LAMA3: variants seen among roughly 807,000 people sequenced by gnomAD.
LAMA3 encodes the protein laminin subunit alpha-3.
LAMA3 carries 281 observed loss-of-function variants against 402.0 expected under a neutral mutation model. That is an observed-to-expected ratio of 0.70 (90% confidence interval 0.63 to 0.77). The LOEUF is 0.77. Among genes scored for constraint, LAMA3 ranks in the 30% least tolerant of loss-of-function variants. The probability of loss-of-function intolerance (pLI) is 0.00; values close to 1 mark genes in which losing one functional copy is unlikely to be tolerated. For synonymous variants in LAMA3, 1,431 were observed against 1,558.4 expected (o/e 0.92, Z 1.93); for missense variants, 3,840 against 4,215.5 (o/e 0.91, Z 2.47).
chr18:23,776,104 TAC>T (rs1325925822), intron 10 of LAMA3, among the ~76,000 whole-genome samples, 181 bp downstream of exon 10: 1 of 152,214 alleles, frequency 6.6e-6, no homozygotes, highest in Non-Finnish European at 1.5e-5. Context: ...TGGTACATTT[TAC>T]AGTCTTATTT....
chr18:23,746,497 CA>C, intron 2 of LAMA3, among the ~76,000 whole-genome samples: 1 of 152,240 alleles, frequency 6.6e-6, no homozygotes, highest in East Asian at 1.9e-4. Context: ...AATGAAGAAG[CA>C]GGTGTGGGAA....
chr18:23,761,487 T>C (rs1359251688), intron 7 of LAMA3, among the ~76,000 whole-genome samples: 2 of 152,238 alleles, frequency 1.3e-5, no homozygotes, highest in South Asian at 2.1e-4. Context: ...TATGTAACGA[T>C]GGGCATATTC....
intron 13 of LAMA3, among the ~76,000 whole-genome samples, chr18:23,811,295 A>G (rs927006399): frequency 1.1e-4 from 17 of 152,140 alleles, no homozygotes; most frequent in Admixed American, 1.1e-3. Flanking sequence ...GCTACTGTGA[A>G]GAGGTGTTTG....
At chr18:23,883,938 GAGGCTTCCTAA>G (rs2064984975) in intron 40 of LAMA3, among the ~76,000 whole-genome samples, 1 of 152,070 alleles carries the variant, frequency 6.6e-6, no homozygotes, top group Admixed American at 6.5e-5. Context: ...TGTCTTTTGA[GAGGCTTCCTAA>G]ACAGGCATTC....
chr18:23,852,644 G>A (rs964884685), intron 32 of LAMA3, among the ~76,000 whole-genome samples: 4 of 152,146 alleles, frequency 2.6e-5, no homozygotes, highest in Admixed American at 6.5e-5. Context: ...CATGGTGAGC[G>A]CCATATTGTG....
intron 69 of LAMA3, 151 bp from the exon 70 acceptor site, chr18:23,945,993 T>C (rs2082695578): frequency 2.6e-6 from 2 of 764,766 alleles, no homozygotes; most frequent in African/African-American, 1.7e-5. Context: ...ATGGTGATAG[T>C]GATAACCGGA....
In LAMA3 at chr18:23,954,666, G is replaced by A. The variant is rs1444840493; in HGVS notation, c.*18G>A. 1 of 1,613,780 alleles carries A rather than the reference G, an allele frequency of 6.2e-7. No homozygotes were observed. Among genetic ancestry groups the A allele is most frequent in the Non-Finnish European group, 8.5e-7 (1 of 1,179,782 alleles). On this transcript the variant is annotated 3_prime_UTR_variant, in exon 75 of 75. Transcript: ENST00000313654. The stretch of plus-strand genomic sequence containing the variant: ...ACCAGTAACCCAAGCCTATTTCACA[G>A]CAAGGAAATTCACCTTCAAAAGCAC...
Position 23,784,275 on chromosome 18 carries a change from G to A in LAMA3, c.1603+118G>A, listed in dbSNP as rs576312730. ...CTTGCAGTTTAATAAATGGGCCCCT[G>A]GCTTATATATGGATGTTACATGTGA... On this transcript the variant is annotated intron_variant, in intron 12 of 74. Coordinates refer to ENST00000313654, the MANE Select transcript of LAMA3 (RefSeq NM_198129.4). 6.1e-5 allele frequency: 72 copies of A among 1,174,876 alleles called. No homozygotes were observed. In the East Asian group the frequency reaches 6.8e-4, roughly 11 times the overall value. The allele number at this position is 1,174,876 out of a possible 1,614,324, so 72.8% of individuals were successfully genotyped here.
At chr18:23,708,180 T>C (rs899505817) in intron 1 of LAMA3, among the ~76,000 whole-genome samples, 2 of 152,190 alleles carry the variant, frequency 1.3e-5, no homozygotes, top group Admixed American at 6.5e-5. Context: ...ATACCACCTA[T>C]GTTATATACT....
At chr18:23,725,040 A>C (rs75174902) in intron 2 of LAMA3, among the ~76,000 whole-genome samples, 2,172 of 151,238 alleles carry the variant, frequency 0.014, 46 homozygotes, top group African/African-American at 0.05. Flanking sequence ...CTCCCATCGC[A>C]TTTCCTTACT....
intron 12 of LAMA3, among the ~76,000 whole-genome samples, chr18:23,789,797 CT>C: frequency 6.6e-6 from 1 of 152,304 alleles, no homozygotes; most frequent in Admixed American, 6.5e-5. Context: ...ACACTTTACA[CT>C]TCAAATGAGT....
chr18:23,927,950 G>A (rs2082054447), intron 62 of LAMA3, among the ~76,000 whole-genome samples, 173 bp from the exon 63 acceptor site: 1 of 152,202 alleles, frequency 6.6e-6, no homozygotes, highest in African/African-American at 2.4e-5. Context: ...AAGGAAGTCA[G>A]TTCTCCCAGC....
At chr18:23,761,441 AG>A (rs1300430967) in intron 7 of LAMA3, among the ~76,000 whole-genome samples, 1 of 152,254 alleles carries the variant, frequency 6.6e-6, no homozygotes, top group Non-Finnish European at 1.5e-5. Context: ...AGTCAAACAA[AG>A]ACAGGTTGGA....
At chr18:23,774,925 T>G (rs1354289603) in intron 9 of LAMA3, among the ~76,000 whole-genome samples, 1 of 152,252 alleles carries the variant, frequency 6.6e-6, no homozygotes, top group African/African-American at 2.4e-5. Context: ...AACAGGACAT[T>G]GCCAATGTAA....
intron 56 of LAMA3, among the ~76,000 whole-genome samples, chr18:23,913,545 G>C (rs1275999982): frequency 1.3e-5 from 2 of 152,190 alleles, no homozygotes; most frequent in Admixed American, 1.3e-4. Context: ...CAGAGGAAAA[G>C]CTAATCACTC....
chr18:23,939,157 G>A (rs955334795), intron 67 of LAMA3, 66 bp from the exon 68 acceptor site: 1 of 1,503,122 alleles, frequency 6.7e-7, no homozygotes, highest in East Asian at 2.3e-5. Flanking sequence ...ATTAAGCAAT[G>A]TACTTAGCAA....
At chr18:23,840,510 G>A (rs2144581330) in intron 27 of LAMA3, among the ~76,000 whole-genome samples, 1 of 149,964 alleles carries the variant, frequency 6.7e-6, no homozygotes, top group East Asian at 2.0e-4. Flanking sequence ...GGCCTCCCAA[G>A]TAGCTGGGAC....
At position 23,827,413 on chromosome 18, in the gene LAMA3, A is replaced by G. The variant is rs80345815; in HGVS notation, c.2769A>G (p.Ala923=). Residue 923 remains alanine (A), a synonymous_variant, in exon 23 of 75, where the codon GCA becomes GCG. Coordinates refer to ENST00000313654, the MANE Select transcript of LAMA3 (RefSeq NM_198129.4). ...TTGATGGGGAGCCAAGACCCGTGGC[A>G]GTGAGGCAGCCCACACCTGCACACC... ...FLLDGEPRPV[A]VRQPTPAHPV... 521 of 1,614,216 alleles carry G rather than the reference A, an allele frequency of 3.2e-4. 5 individuals carry two copies. In the East Asian group the frequency reaches 0.011, roughly 34 times the overall value.
Position 23,826,722 on chromosome 18 carries a change from C to T in LAMA3, c.2592C>T (p.Pro864=). Residue 864 remains proline, a synonymous_variant, in exon 22 of 75, where the codon CCC becomes CCT. Transcript: ENST00000313654. The part of the protein sequence containing the change: ...GVLLDYLVLL[P]RDYYEASVLQ... ...TCTAGGATTACCTGGTGCTGCTCCC[C>T]AGGGACTACTATGAAGCCTCTGTAC... 6.4e-7 allele frequency: 1 copy of T among 1,561,978 alleles called. No homozygotes were observed. The highest frequency in any genetic ancestry group is 1.3e-5 in the African/African-American group (1 of 74,154).
Sources: allele counts gnomAD v4.1 joint callset (sites outside exome capture counted in the v4.1 genomes callset), GRCh38; gene constraint gnomAD v4.1.1; transcripts MANE v1.5; gene names NCBI Gene and HGNC (gene_info 2026-07-23, HGNC 2026-07-21).